KCNC1: variants seen among roughly 807,000 people sequenced by gnomAD.
KCNC1 encodes the protein voltage-gated potassium channel KCNC1.
A neutral mutation model predicts 43.4 loss-of-function variants in KCNC1; 8 were observed. The ratio of observed to expected loss-of-function variants is 0.18; its 90% CI spans 0.11 to 0.33. The LOEUF (loss-of-function observed/expected upper bound fraction) is 0.33, where lower values mean the gene tolerates loss of function less well. Ranked by LOEUF, KCNC1 falls within the 10% of genes least tolerant of loss-of-function variation. The pLI, the probability that KCNC1 is intolerant of heterozygous loss-of-function variation, is 1.00. For synonymous variants in KCNC1, 361 were observed against 360.5 expected (o/e 1.00, Z -0.01); for missense variants, 420 against 836.0 (o/e 0.50, Z 6.14).
In KCNC1 at chr11:17,776,329, C is replaced by G; in HGVS notation, c.1505-3127C>G. On this transcript the variant is annotated intron_variant, in intron 2 of 3. Coordinates refer to ENST00000265969, the MANE Select transcript of KCNC1 (RefSeq NM_001112741.2). The surrounding 1 kb of genome is among the most constrained non-coding windows in gnomAD (Gnocchi z 4.4). Reference sequence around the variant, plus strand: ...AGCCTGAGACTTTTTTCCTGAGTCCCCAGCTGGGCAGATCCCTCAGGGCTA... The same window carrying G: ...AGCCTGAGACTTTTTTCCTGAGTCCGCAGCTGGGCAGATCCCTCAGGGCTA... 3.0e-6 allele frequency: 3 copies of G among 985,256 alleles called. No individual in the cohort carries two copies. Among genetic ancestry groups the G allele is most frequent in the Non-Finnish European group, 3.6e-6 (3 of 829,892 alleles). 61.0% of individuals were successfully genotyped at this position (985,256 alleles called of 1,614,324 possible). A position where few individuals can be genotyped will look rare whatever the true frequency, so the allele number is the denominator to read the frequency against.
At chr11:17,737,920 A>G (rs1277780153) in intron 1 of KCNC1, among the ~76,000 whole-genome samples, 1 of 146,984 alleles carries the variant, frequency 6.8e-6, no homozygotes, top group Non-Finnish European at 1.5e-5. Context: ...GGGGACCTCA[A>G]GTGCCCATGG....
Position 17,773,028 on chromosome 11 carries a change from ACCATGGCTC to A in KCNC1, c.1504+433_1504+441del. ...CTAGACAGCCTTTGATCTGGTCCTT[ACCATGGCTC>A]CCTTCAGGCTGTGTAGATGGCAGAG... is the stretch of plus-strand genomic sequence containing the variant. On this transcript the variant is annotated intron_variant, in intron 2 of 3. Coordinates refer to ENST00000265969, the MANE Select transcript of KCNC1 (RefSeq NM_001112741.2). This position sits in a 1 kb window ranked among gnomAD's most constrained non-coding sequence, Gnocchi z 4.1. 1 of 1,031,454 alleles carries A rather than the reference ACCATGGCTC, an allele frequency of 9.7e-7. No homozygotes were observed. The highest frequency in any genetic ancestry group is 1.2e-6 in the Non-Finnish European group (1 of 859,262). 63.9% of individuals were successfully genotyped at this position (1,031,454 alleles called of 1,614,324 possible).
rs1172534639 is a variant in KCNC1, at chr11:17,772,390, G to T, written c.1296G>T (p.Val432=). 6.2e-7 allele frequency: 1 copy of T among 1,614,168 alleles called. No individual in the cohort carries two copies. Among genetic ancestry groups the T allele is most frequent in the Admixed American group, 1.7e-5 (1 of 60,026 alleles). Residue 432 remains valine, a synonymous_variant, in exon 2 of 4, where the codon GTG becomes GTT. Coordinates refer to ENST00000265969, the MANE Select transcript of KCNC1 (RefSeq NM_001112741.2). ...LAGVLTIAMP[V]PVIVNNFGMY... ...GCGTGCTCACCATCGCCATGCCCGT[G>T]CCCGTCATCGTGAACAATTTCGGGA... is the stretch of plus-strand genomic sequence containing the variant.
At position 17,736,249 on chromosome 11, in the gene KCNC1, T is replaced by C; in HGVS notation, c.247T>C (p.Cys83Arg). The C allele has an allele frequency of 6.2e-7, 1 of 1,613,696 alleles. No homozygotes were observed. The change falls in exon 1 of 4, where the codon TGC becomes CGC. Residue 83 changes from cysteine (C) to arginine (R), a missense_variant. Coordinates refer to ENST00000265969, the MANE Select transcript of KCNC1 (RefSeq NM_001112741.2). This position sits in a 1 kb window ranked among gnomAD's most constrained non-coding sequence, Gnocchi z 9.3. ...CAAGCTGCACTGCCCAGCCGACGTG[T>C]GCGGGCCGCTCTACGAGGAGGAGCT... The part of the protein sequence containing the change: ...TGKLHCPADV[C>R]GPLYEEELAF...
chr11:17,774,456 C>T (rs1849263689), intron 2 of KCNC1: 2 of 985,434 alleles, frequency 2.0e-6, no homozygotes, highest in African/African-American at 1.7e-5. Context: ...CAGTGCTCTC[C>T]AGGCAGGCCC....
At chr11:17,775,720 T>C in intron 2 of KCNC1, 1 of 985,752 alleles carries the variant, frequency 1.0e-6, no homozygotes, top group South Asian at 4.7e-5. Context: ...TCCTTTGTGG[T>C]GCCGCGTCCA....
In KCNC1 at chr11:17,742,559, G is replaced by C. The variant is rs1012091523; in HGVS notation, c.570+5987G>C. On this transcript the variant is annotated intron_variant, in intron 1 of 3. Transcript: ENST00000265969. This position sits in a 1 kb window ranked among gnomAD's most constrained non-coding sequence, Gnocchi z 4.2. ...TGAGCTCCCCTCTGCTAGGTGCAAG[G>C]TTAGAGGAAAAGGAGGGCCTGACAG... 6.6e-6 allele frequency among the ~76,000 whole-genome samples: 1 copy of C among 152,220 alleles called. No homozygotes were observed. The highest frequency in any genetic ancestry group is 2.4e-5 in the African/African-American group (1 of 41,454).
chr11:17,735,470 A>T lies in KCNC1; in HGVS notation c.-533A>T, dbSNP rs1447947805. On this transcript the variant is annotated 5_prime_UTR_variant, in exon 1 of 4. Coordinates refer to ENST00000265969, the MANE Select transcript of KCNC1 (RefSeq NM_001112741.2). The surrounding 1 kb of genome is among the most constrained non-coding windows in gnomAD (Gnocchi z 6.7). ...GGCGACCACCTCACAGAGGAGCGCG[A>T]ATTTCCCGGCCCTGTCTCCTCCCCT... The T allele has an allele frequency of 6.6e-6, 1 of 151,980 alleles. No individual in the cohort carries two copies. The highest frequency in any genetic ancestry group is 1.5e-5 in the Non-Finnish European group (1 of 68,104). The allele number at this position is 151,980 out of a possible 1,614,324, so 9.4% of individuals were successfully genotyped here.
chr11:17,750,457 T>A (rs1226138601), intron 1 of KCNC1, among the ~76,000 whole-genome samples: 2 of 152,120 alleles, frequency 1.3e-5, no homozygotes, highest in African/African-American at 4.8e-5. Context: ...GAATCGTGTC[T>A]CCCGAGGCCT....
At chr11:17,765,380 C>A in intron 1 of KCNC1, among the ~76,000 whole-genome samples, 1 of 152,310 alleles carries the variant, frequency 6.6e-6, no homozygotes, top group South Asian at 2.1e-4. Flanking sequence ...ACATATTGGT[C>A]ATTTTAATAG....
chr11:17,741,432 T>C, intron 1 of KCNC1, among the ~76,000 whole-genome samples: 1 of 152,018 alleles, frequency 6.6e-6, no homozygotes, highest in East Asian at 1.9e-4. Flanking sequence ...CTACTGTTGG[T>C]TGTATTATCA....
At chr11:17,758,726 T>A (rs540712950) in intron 1 of KCNC1, among the ~76,000 whole-genome samples, 1 of 152,196 alleles carries the variant, frequency 6.6e-6, no homozygotes, top group Non-Finnish European at 1.5e-5. Flanking sequence ...AGGAATCATT[T>A]TTTCTGAGCA....
At position 17,771,242 on chromosome 11, in the gene KCNC1, C is replaced by A. The variant is rs928427735; in HGVS notation, c.571-423C>A. On this transcript the variant is annotated intron_variant, in intron 1 of 3. Coordinates refer to ENST00000265969, the MANE Select transcript of KCNC1 (RefSeq NM_001112741.2). This position sits in a 1 kb window ranked among gnomAD's most constrained non-coding sequence, Gnocchi z 4.7. Reference sequence around the variant, plus strand: ...ATTTCTTTGCAAACTTCAGCCCCAGCAGGCTAGCTAAATGGGCAGGGTAGC... The same window carrying A: ...ATTTCTTTGCAAACTTCAGCCCCAGAAGGCTAGCTAAATGGGCAGGGTAGC... Among the ~76,000 whole-genome samples the A allele has an allele frequency of 5.0e-4, 25 of 49,572 alleles. No individual in the cohort carries two copies. The highest frequency in any genetic ancestry group is 1.2e-3 in the Non-Finnish European group (23 of 18,630). 32.5% of individuals were successfully genotyped at this position (49,572 alleles called of 152,430 possible).
chr11:17,737,215 T>G (rs1848778002), intron 1 of KCNC1, among the ~76,000 whole-genome samples: 1 of 151,902 alleles, frequency 6.6e-6, no homozygotes, highest in Admixed American at 6.6e-5. Context: ...GGCTGGGCTG[T>G]AAGGTAGGGG....
Position 17,736,182 on chromosome 11 carries a change from C to T in KCNC1, c.180C>T (p.His60=). Residue 60 remains histidine, a synonymous_variant, in exon 1 of 4, where the codon CAC becomes CAT. Transcript: ENST00000265969. The surrounding 1 kb of genome is among the most constrained non-coding windows in gnomAD (Gnocchi z 9.3). ...PRADEFFFDR[H]PGVFAHILNY... ...CTGACGAGTTCTTCTTCGACCGCCA[C>T]CCCGGCGTCTTCGCGCACATCCTGA... is the stretch of plus-strand genomic sequence containing the variant. The T allele has an allele frequency of 1.2e-6, 2 of 1,613,742 alleles. No homozygotes were observed. The highest frequency in any genetic ancestry group is 1.7e-6 in the Non-Finnish European group (2 of 1,179,824).
Position 17,779,746 on chromosome 11 carries a change from G to A in KCNC1, c.1693+102G>A. 6.3e-6 allele frequency: 6 copies of A among 948,884 alleles called. No individual in the cohort carries two copies. Among genetic ancestry groups the A allele is most frequent in the Non-Finnish European group, 8.8e-6 (6 of 679,600 alleles). 58.8% of individuals were successfully genotyped at this position (948,884 alleles called of 1,614,324 possible). A position where few individuals can be genotyped will look rare whatever the true frequency, so the allele number is the denominator to read the frequency against. On this transcript the variant is annotated intron_variant, in intron 3 of 3. Transcript: ENST00000265969. This position sits in a 1 kb window ranked among gnomAD's most constrained non-coding sequence, Gnocchi z 7.2. ...GGCAAGGGCGCTGAGGGGCAGGCAG[G>A]CACACCGAGGGGGGCAAGGATGGAG...
intron 2 of KCNC1, among the ~76,000 whole-genome samples, chr11:17,778,950 T>A (rs1327520638): frequency 6.6e-6 from 1 of 151,868 alleles, no homozygotes; most frequent in Non-Finnish European, 1.5e-5. Context: ...AGATGGTCTG[T>A]ATGGAGCTAG....
intron 1 of KCNC1, among the ~76,000 whole-genome samples, chr11:17,740,264 G>C (rs1043558907): frequency 6.6e-6 from 1 of 152,184 alleles, no homozygotes; most frequent in Non-Finnish European, 1.5e-5. Context: ...TGAGCTCCAC[G>C]TGTGTTCTGG....
At chr11:17,774,578 CA>C (rs1215373201) in intron 2 of KCNC1, 1 of 985,498 alleles carries the variant, frequency 1.0e-6, no homozygotes, top group African/African-American at 1.7e-5. Context: ...AATCCCAGGA[CA>C]CAAAACCTGT....
Sources: gnomAD v4.1 joint callset for allele counts (sites outside exome capture counted in the v4.1 genomes callset) on GRCh38, gnomAD v4.1.1 for gene constraint, Gnocchi (gnomAD v3.1) non-coding constraint, MANE v1.5 for transcripts, NCBI Gene and HGNC (gene_info 2026-07-23, HGNC 2026-07-21) for gene names.